Variants in GABRG1 observed in about 807,000 individuals in gnomAD.
GABRG1 encodes gamma-aminobutyric acid receptor subunit gamma-1.
Under a neutral mutation model 49.8 loss-of-function variants are expected in GABRG1, and 49 were observed. The ratio of observed to expected loss-of-function variants is 0.98; its 90% CI spans 0.78 to 1.25. The LOEUF (loss-of-function observed/expected upper bound fraction) is 1.25. Ranked by LOEUF, GABRG1 falls within the 50% of genes most tolerant of loss-of-function variation. The pLI, the probability that GABRG1 is intolerant of heterozygous loss-of-function variation, is 0.00. For synonymous variants in GABRG1, 232 were observed against 185.1 expected, an observed-to-expected ratio of 1.25 and a Z score of -2.06; for missense variants, 552 against 552.3, an observed-to-expected ratio of 1.00 and a Z score of 0.01.
chr4:46,123,437 T>C (rs1361318818), intron 1 of GABRG1, among the ~76,000 whole-genome samples: 1 of 152,030 alleles, frequency 6.6e-6, no homozygotes, highest in Admixed American at 6.6e-5. Flanking sequence ...CTGAAATAAC[T>C]TTGTTTTTAA....
chr4:46,096,029 T>C (rs944972994), intron 2 of GABRG1, among the ~76,000 whole-genome samples: 1 of 151,874 alleles, frequency 6.6e-6, no homozygotes, highest in African/African-American at 2.4e-5. Context: ...ATTCTCATCA[T>C]TTAGCTCCCG....
At chr4:46,122,264 G>A (rs1310020954) in intron 1 of GABRG1, among the ~76,000 whole-genome samples, 1 of 152,052 alleles carries the variant, frequency 6.6e-6, no homozygotes, top group Admixed American at 6.6e-5. Context: ...TCTTGGGATA[G>A]ATAATATGCT....
In GABRG1 at chr4:46,056,150, T is replaced by TAAAAAA. The variant is rs1491407033; in HGVS notation, c.916+2066_916+2067insTTTTTT. 9.8e-4 allele frequency among the ~76,000 whole-genome samples: 45 copies of TAAAAAA among 46,062 alleles called. 8 individuals are homozygous for TAAAAAA. Among genetic ancestry groups the TAAAAAA allele is most frequent in the South Asian group, 2.8e-3 (2 of 726 alleles). The allele number at this position is 46,062 out of a possible 152,430, so 30.2% of individuals were successfully genotyped here. ...AAAAAAAAAAAAATAAATAAATAAATTAAAAAAAAAAAAAAAAAAAAAAAA... is the reference window on the plus strand; with the variant it reads ...AAAAAAAAAAAAATAAATAAATAAATAAAAAATAAAAAAAAAAAAAAAAAAAAAAAA... On this transcript the variant is annotated intron_variant, in intron 7 of 8. Coordinates refer to ENST00000295452, the MANE Select transcript of GABRG1 (RefSeq NM_173536.4).
At chr4:46,046,115 T>G (rs983857671) in intron 8 of GABRG1, among the ~76,000 whole-genome samples, 2 of 152,110 alleles carry the variant, frequency 1.3e-5, no homozygotes, top group Non-Finnish European at 2.9e-5. Flanking sequence ...TATGAATTGT[T>G]CTATTTGTTT....
chr4:46,058,397 C>T (rs1718536040), intron 6 of GABRG1, 28 bp from the exon 7 acceptor site: 2 of 1,597,606 alleles, frequency 1.3e-6, no homozygotes, highest in African/African-American at 1.4e-5. Context: ...TTTATTTTGG[C>T]TATATAATAT....
chr4:46,098,805 A>G (rs1402868176), intron 1 of GABRG1, among the ~76,000 whole-genome samples: 1 of 151,678 alleles, frequency 6.6e-6, no homozygotes. Flanking sequence ...CAGCTATAAA[A>G]ACCTGGATAT....
chr4:46,060,531 A>G (rs1368846079), intron 5 of GABRG1, among the ~76,000 whole-genome samples: 1 of 152,144 alleles, frequency 6.6e-6, no homozygotes, highest in Non-Finnish European at 1.5e-5. Flanking sequence ...ATGTTTTAGA[A>G]TATTTTAATG....
At chr4:46,064,366 T>C (rs923249726) in intron 5 of GABRG1, 75 bp downstream of exon 5, 9 of 779,488 alleles carry the variant, frequency 1.2e-5, no homozygotes, top group Admixed American at 2.9e-5. Context: ...TATTTTATTT[T>C]CTTTCTTTTC....
At chr4:46,043,595 A>G (rs1374602796) in intron 8 of GABRG1, among the ~76,000 whole-genome samples, 1 of 152,020 alleles carries the variant, frequency 6.6e-6, no homozygotes, top group Admixed American at 6.6e-5. Flanking sequence ...TCTGAAGTGC[A>G]GCTATGCTAC....
At chr4:46,096,141 A>G (rs1720156297) in intron 2 of GABRG1, among the ~76,000 whole-genome samples, 1 of 151,894 alleles carries the variant, frequency 6.6e-6, no homozygotes, top group African/African-American at 2.4e-5. Flanking sequence ...AGACTAAAGC[A>G]AAGATTGGGA....
At chr4:46,093,874 T>A (rs1055727645) in intron 2 of GABRG1, among the ~76,000 whole-genome samples, 1 of 152,024 alleles carries the variant, frequency 6.6e-6, no homozygotes, top group African/African-American at 2.4e-5. Flanking sequence ...ATCATTGTAG[T>A]CAGAGATTTT....
At position 46,041,196 on chromosome 4, in the gene GABRG1, G is replaced by A. The variant is rs371875912; in HGVS notation, c.1190C>T (p.Pro397Leu). 36 of 1,612,592 alleles carry A rather than the reference G, an allele frequency of 2.2e-5. No individual in the cohort carries two copies. In the Middle Eastern group the frequency reaches 4.9e-4, roughly 22 times the overall value. The change falls in exon 9 of 9, where the codon CCG becomes CTG. Residue 397 changes from proline to leucine, a missense_variant. Physicochemically the swap from Pro to Leu is moderately conservative, Grantham distance 98. Transcript: ENST00000295452. ...CTGATACCCATAATCATCTTCTTGC[G>A]GCACAGAAATATTATTCATTGGAAT... Reference protein sequence around the residue: ...TLIPMNNISVPQEDDYGYQCL... With the variant: ...TLIPMNNISVLQEDDYGYQCL...
intron 1 of GABRG1, among the ~76,000 whole-genome samples, chr4:46,109,934 A>G (rs145243968): frequency 6.6e-6 from 1 of 151,176 alleles, no homozygotes; most frequent in East Asian, 2.0e-4. Flanking sequence ...ATGGCTGAGC[A>G]TGTGGTTGAT....
intron 3 of GABRG1, among the ~76,000 whole-genome samples, chr4:46,075,645 A>T (rs1056253391): frequency 6.6e-6 from 1 of 152,106 alleles, no homozygotes; most frequent in Non-Finnish European, 1.5e-5. Context: ...CTATGGCTTT[A>T]TATTCCATTT....
At position 46,078,267 on chromosome 4, in the gene GABRG1, G is replaced by A. The variant is rs182533942; in HGVS notation, c.321+5719C>T. Among the ~76,000 whole-genome samples, 9 of 152,078 alleles carry A rather than the reference G, an allele frequency of 5.9e-5. No individual in the cohort carries two copies. The East Asian group carries it at 1.5e-3, about 26-fold the overall frequency. Reference sequence around the variant, plus strand: ...TTCTTCCCCACCATTGGCATATGCAGGTCAGTTATCTAAATAGCAAACAAA... The same window carrying A: ...TTCTTCCCCACCATTGGCATATGCAAGTCAGTTATCTAAATAGCAAACAAA... On this transcript the variant is annotated intron_variant, in intron 3 of 8. Coordinates refer to ENST00000295452, the MANE Select transcript of GABRG1 (RefSeq NM_173536.4).
At chr4:46,066,742 C>A (rs1337959301) in intron 3 of GABRG1, among the ~76,000 whole-genome samples, 1 of 151,814 alleles carries the variant, frequency 6.6e-6, no homozygotes, top group African/African-American at 2.4e-5. Flanking sequence ...TGTATCCTGA[C>A]AAAATGTCTG....
intron 1 of GABRG1, among the ~76,000 whole-genome samples, chr4:46,103,135 C>T (rs942261683): frequency 5.3e-5 from 8 of 151,490 alleles, no homozygotes; most frequent in African/African-American, 1.9e-4. Context: ...CGGGAGGGAG[C>T]TTCTTCCATT....
At position 46,036,531 on chromosome 4, in the gene GABRG1, C is replaced by A. The variant is rs1392906936; in HGVS notation, c.*4457G>T. 6.6e-6 allele frequency: 1 copy of A among 151,744 alleles called. No homozygotes were observed. The highest frequency in any genetic ancestry group is 1.5e-5 in the Non-Finnish European group (1 of 67,870). 9.4% of individuals were successfully genotyped at this position (151,744 alleles called of 1,614,324 possible). On this transcript the variant is annotated 3_prime_UTR_variant, in exon 9 of 9. Coordinates refer to ENST00000295452, the MANE Select transcript of GABRG1 (RefSeq NM_173536.4). ...GAATTTCCTTATGGTGTCTTTGTACCCATCTACATGCAAGCAAGTATCTAC... is the reference window on the plus strand; with the variant it reads ...GAATTTCCTTATGGTGTCTTTGTACACATCTACATGCAAGCAAGTATCTAC...
At chr4:46,108,547 T>C (rs1720628284) in intron 1 of GABRG1, among the ~76,000 whole-genome samples, 1 of 151,074 alleles carries the variant, frequency 6.6e-6, no homozygotes, top group South Asian at 2.1e-4. Context: ...GCTAGGATTC[T>C]GAACATATTA....
Sources: allele counts gnomAD v4.1 joint callset (sites outside exome capture counted in the v4.1 genomes callset), GRCh38; gene constraint gnomAD v4.1.1; transcripts MANE v1.5; gene names NCBI Gene and HGNC (gene_info 2026-07-23, HGNC 2026-07-21).